GPC6: variants seen among roughly 807,000 people sequenced by gnomAD.
GPC6 encodes the protein glypican 6.
In GPC6, 14 loss-of-function variants were observed where a neutral mutation model predicts 55.2. That is an observed-to-expected ratio of 0.25 (90% CI 0.17 to 0.40). The LOEUF (loss-of-function observed/expected upper bound fraction) is 0.40. Among genes scored for constraint, GPC6 ranks in the 10% least tolerant of loss-of-function variants. The probability of loss-of-function intolerance (pLI) is 1.00; values close to 1 mark genes in which losing one functional copy is unlikely to be tolerated. For synonymous variants in GPC6, 278 were observed against 259.6 expected (o/e 1.07, Z -0.68); for missense variants, 641 against 708.5 (o/e 0.90, Z 1.08).
rs55845007 is a variant in GPC6, at chr13:93,653,575, CGTGTGTGTGTGT to C, written c.319+108181_319+108192del. On this transcript the variant is annotated intron_variant, in intron 2 of 8. Transcript: ENST00000377047. ...TCAATAATCCTATGAAGTATATGGC[CGTGTGTGTGTGT>C]GTGTGTGTGTGTGTGTGTGTGTGTG... is the stretch of plus-strand genomic sequence containing the variant. Among the ~76,000 whole-genome samples, 350 of 145,748 alleles carry C rather than the reference CGTGTGTGTGTGT, an allele frequency of 2.4e-3. 2 individuals carry two copies. Among genetic ancestry groups the C allele is most frequent in the African/African-American group, 8.2e-3 (324 of 39,460 alleles).
At chr13:94,131,564 G>T (rs618540) in intron 4 of GPC6, among the ~76,000 whole-genome samples, 136,361 of 152,128 alleles carry the variant, frequency 0.9, 61,881 homozygotes, top group Non-Finnish European at 0.98. Flanking sequence ...TCTGTATACG[G>T]GAGATCATTA....
intron 2 of GPC6, among the ~76,000 whole-genome samples, chr13:93,798,302 G>C (rs528348047): frequency 6.6e-6 from 1 of 152,142 alleles, no homozygotes; most frequent in African/African-American, 2.4e-5. Flanking sequence ...TGTGAACCAA[G>C]TTACTTGACT....
At chr13:94,370,836 T>C (rs1165656606) in intron 6 of GPC6, among the ~76,000 whole-genome samples, 1 of 152,146 alleles carries the variant, frequency 6.6e-6, no homozygotes, top group African/African-American at 2.4e-5. Flanking sequence ...CCTCATGAAA[T>C]TTACATAAAA....
chr13:93,391,960 A>G (rs927821168), intron 1 of GPC6, among the ~76,000 whole-genome samples: 1 of 152,184 alleles, frequency 6.6e-6, no homozygotes, highest in African/African-American at 2.4e-5. Flanking sequence ...TGAGCTATAT[A>G]TCAGCAAAAT....
intron 4 of GPC6, chr13:94,187,428 A>G (rs1348730141): frequency 6.6e-6 from 1 of 152,198 alleles, no homozygotes; most frequent in East Asian, 1.9e-4. Context: ...ACGTAACCCA[A>G]TATTTTTTTA....
intron 4 of GPC6, among the ~76,000 whole-genome samples, chr13:94,149,684 G>A (rs1887671777): frequency 6.6e-6 from 1 of 151,982 alleles, no homozygotes; most frequent in Non-Finnish European, 1.5e-5. Context: ...CAGAATCCTA[G>A]AGAAAAATGC....
intron 2 of GPC6, among the ~76,000 whole-genome samples, chr13:93,552,727 C>T (rs1196249409): frequency 6.6e-6 from 1 of 152,148 alleles, no homozygotes; most frequent in Non-Finnish European, 1.5e-5. Flanking sequence ...AGCTGTTTCA[C>T]AGACAAGCCA....
At chr13:93,893,618 T>C (rs544153868) in intron 3 of GPC6, among the ~76,000 whole-genome samples, 1 of 152,258 alleles carries the variant, frequency 6.6e-6, no homozygotes, top group Non-Finnish European at 1.5e-5. Context: ...TCAGCTAATG[T>C]TTCTTCCACT....
At chr13:94,300,075 A>C (rs2139103696) in intron 5 of GPC6, among the ~76,000 whole-genome samples, 1 of 152,218 alleles carries the variant, frequency 6.6e-6, no homozygotes, top group South Asian at 2.1e-4. Flanking sequence ...CTGTTTGCAA[A>C]TTTCAATATT....
chr13:94,141,723 A>G (rs1322115549), intron 4 of GPC6, among the ~76,000 whole-genome samples: 2 of 152,232 alleles, frequency 1.3e-5, no homozygotes, highest in Non-Finnish European at 2.9e-5. Context: ...TCAAACATGT[A>G]AAATGGAGAA....
At chr13:93,638,101 G>C (rs7489484) in intron 2 of GPC6, among the ~76,000 whole-genome samples, 78,698 of 151,902 alleles carry the variant, frequency 0.52, 21,257 homozygotes, top group Middle Eastern at 0.62. Context: ...TGTGGAAATA[G>C]AGTGACACAT....
intron 3 of GPC6, among the ~76,000 whole-genome samples, chr13:94,005,907 A>G (rs987659780): frequency 2.0e-5 from 3 of 152,090 alleles, no homozygotes; most frequent in East Asian, 3.9e-4. Flanking sequence ...TTTTTTCAAT[A>G]ATCTTTAATA....
intron 6 of GPC6, among the ~76,000 whole-genome samples, chr13:94,338,659 TATTC>T (rs1174880215): frequency 1.3e-5 from 2 of 152,184 alleles, no homozygotes; most frequent in African/African-American, 2.4e-5. Context: ...TGAATGAATA[TATTC>T]ATTCATTTAA....
intron 2 of GPC6, among the ~76,000 whole-genome samples, chr13:93,686,297 A>G (rs2138773404): frequency 6.6e-6 from 1 of 152,308 alleles, no homozygotes; most frequent in Non-Finnish European, 1.5e-5. Context: ...TAAAATCAGA[A>G]ACTAGTTTCA....
chr13:94,086,407 C>A (rs1212451893), intron 4 of GPC6, among the ~76,000 whole-genome samples: 2 of 151,982 alleles, frequency 1.3e-5, no homozygotes, highest in African/African-American at 4.8e-5. Flanking sequence ...TCCAGGATTG[C>A]ACACCCCAGC....
chr13:93,621,409 A>G (rs1878945844), intron 2 of GPC6, among the ~76,000 whole-genome samples: 1 of 152,174 alleles, frequency 6.6e-6, no homozygotes, highest in East Asian at 1.9e-4. Flanking sequence ...GACCATAAAA[A>G]TGGTATTATC....
intron 4 of GPC6, among the ~76,000 whole-genome samples, chr13:94,070,415 G>A (rs1884687984): frequency 6.6e-6 from 1 of 152,168 alleles, no homozygotes; most frequent in Non-Finnish European, 1.5e-5. Context: ...GAGATATACA[G>A]TCTTTATCCT....
intron 3 of GPC6, among the ~76,000 whole-genome samples, chr13:93,891,128 G>C (rs2140317955): frequency 6.6e-6 from 1 of 152,176 alleles, no homozygotes; most frequent in South Asian, 2.1e-4. Context: ...GTGGCTATTT[G>C]ACAAGTATAC....
chr13:93,932,461 GCCATTA>G (rs1878226159), intron 3 of GPC6, among the ~76,000 whole-genome samples: 3 of 152,050 alleles, frequency 2.0e-5, no homozygotes, highest in Admixed American at 2.0e-4. Context: ...AAGGAAGATT[GCCATTA>G]GCATTACTTT....
Sources: gnomAD v4.1 joint callset for allele counts (sites outside exome capture counted in the v4.1 genomes callset) on GRCh38, gnomAD v4.1.1 for gene constraint, MANE v1.5 for transcripts, NCBI Gene and HGNC (gene_info 2026-07-23, HGNC 2026-07-21) for gene names.